The following CDH12 variants were observed in gnomAD, a reference collection of about 807,000 sequenced individuals.
CDH12 encodes cadherin-12.
A neutral mutation model predicts 74.1 loss-of-function variants in CDH12; 41 were observed. That is an observed-to-expected ratio of 0.55 (90% CI 0.43 to 0.72). The LOEUF (loss-of-function observed/expected upper bound fraction) is 0.72, where lower values mean the gene tolerates loss of function less well. Ranked by LOEUF, CDH12 falls within the 30% of genes least tolerant of loss-of-function variation. The probability of loss-of-function intolerance (pLI) is 0.00; values close to 1 mark genes in which losing one functional copy is unlikely to be tolerated. For missense variants in CDH12, 945 were observed against 977.2 expected (o/e 0.97, Z 0.44); for synonymous variants, 399 against 355.0 (o/e 1.12, Z -1.39).
At chr5:21,998,206 C>A (rs1320169895) in intron 5 of CDH12, among the ~76,000 whole-genome samples, 3 of 152,048 alleles carry the variant, frequency 2.0e-5, no homozygotes. Flanking sequence ...ATAAGCTTTA[C>A]CTACAAGCAA....
intron 1 of CDH12, among the ~76,000 whole-genome samples, chr5:22,826,124 A>G (rs1344429138): frequency 2.0e-5 from 3 of 152,136 alleles, no homozygotes; most frequent in Non-Finnish European, 2.9e-5. Flanking sequence ...ATTCTCATGT[A>G]TTGTGGGACA....
chr5:21,971,436 T>C (rs908227050), intron 6 of CDH12, among the ~76,000 whole-genome samples: 3 of 152,148 alleles, frequency 2.0e-5, no homozygotes, highest in Non-Finnish European at 2.9e-5. Context: ...TTAGATCACA[T>C]GGCACCTGAC....
At chr5:22,438,594 A>G (rs541368055) in intron 2 of CDH12, among the ~76,000 whole-genome samples, 2 of 152,184 alleles carry the variant, frequency 1.3e-5, no homozygotes, top group Admixed American at 1.3e-4. Flanking sequence ...AATTAAATAT[A>G]ATAACATTTT....
chr5:21,867,090 C>T (rs1751366693), intron 6 of CDH12, among the ~76,000 whole-genome samples: 1 of 152,164 alleles, frequency 6.6e-6, no homozygotes, highest in African/African-American at 2.4e-5. Flanking sequence ...CGCGGTGGCT[C>T]TCACCTGTAA....
intron 1 of CDH12, among the ~76,000 whole-genome samples, chr5:22,792,531 T>A (rs1057464844): frequency 3.3e-5 from 5 of 152,226 alleles, no homozygotes; most frequent in Non-Finnish European, 7.3e-5. Context: ...ATTATTAAGA[T>A]GTGTCATGCC....
At chr5:22,713,966 T>C (rs1399717010) in intron 1 of CDH12, among the ~76,000 whole-genome samples, 1 of 152,220 alleles carries the variant, frequency 6.6e-6, no homozygotes, top group African/African-American at 2.4e-5. Flanking sequence ...ATTAATTCAA[T>C]GTTAAGGCCA....
chr5:22,484,744 T>A (rs531939125), intron 2 of CDH12, among the ~76,000 whole-genome samples: 20 of 152,266 alleles, frequency 1.3e-4, no homozygotes, highest in African/African-American at 4.8e-4. Context: ...CACATGTGAG[T>A]CTCACAGAAA....
At chr5:22,320,498 T>C (rs764916981) in intron 3 of CDH12, among the ~76,000 whole-genome samples, 22 of 152,278 alleles carry the variant, frequency 1.4e-4, no homozygotes, top group African/African-American at 5.1e-4. Context: ...CAGATTTTTA[T>C]TTTTCAAGTA....
At chr5:21,872,248 C>A (rs765143805) in intron 6 of CDH12, among the ~76,000 whole-genome samples, 5 of 152,200 alleles carry the variant, frequency 3.3e-5, no homozygotes, top group Non-Finnish European at 7.3e-5. Flanking sequence ...CCCAGAAGCA[C>A]TCTAACGTTA....
chr5:22,801,394 A>T (rs1384394292), intron 1 of CDH12, among the ~76,000 whole-genome samples: 1 of 151,988 alleles, frequency 6.6e-6, no homozygotes, highest in Non-Finnish European at 1.5e-5. Context: ...CTTGAAAGAG[A>T]TTTTGTATGA....
chr5:22,272,019 G>A lies in CDH12; in HGVS notation c.-332-59376C>T, dbSNP rs113829303. Among the ~76,000 whole-genome samples the A allele has an allele frequency of 7.3e-3, 1,116 of 152,242 alleles. 15 individuals carry two copies. The highest frequency in any genetic ancestry group is 0.026 in the African/African-American group (1,072 of 41,546). ...CTCTAAGAGAGACAGCCTGTCCTTC[G>A]AACTTTGAAGCCAAGCATTGACTTC... is the stretch of plus-strand genomic sequence containing the variant. On this transcript the variant is annotated intron_variant, in intron 3 of 14. Transcript: ENST00000382254.
At chr5:22,839,254 A>G (rs867634436) in intron 1 of CDH12, among the ~76,000 whole-genome samples, 23 of 152,098 alleles carry the variant, frequency 1.5e-4, no homozygotes, top group South Asian at 8.3e-4. Flanking sequence ...AAATGGATAC[A>G]ATTCTTATAC....
At chr5:22,391,997 G>A (rs1052219635) in intron 3 of CDH12, among the ~76,000 whole-genome samples, 3 of 152,140 alleles carry the variant, frequency 2.0e-5, no homozygotes, top group African/African-American at 7.2e-5. Flanking sequence ...GGTAAGGGAT[G>A]GAAAAGCTTG....
At chr5:22,138,278 A>G (rs1209114695) in intron 4 of CDH12, among the ~76,000 whole-genome samples, 1 of 151,968 alleles carries the variant, frequency 6.6e-6, no homozygotes, top group Non-Finnish European at 1.5e-5. Flanking sequence ...AAAGTTGTTC[A>G]TCAATAAAAT....
chr5:22,198,776 T>A (rs1329962299), intron 4 of CDH12, among the ~76,000 whole-genome samples: 1 of 152,122 alleles, frequency 6.6e-6, no homozygotes, highest in Admixed American at 6.6e-5. Context: ...CCTTTCGGAA[T>A]GCAAAACCTA....
chr5:22,201,635 T>C (rs529611743), intron 4 of CDH12, among the ~76,000 whole-genome samples: 16 of 152,240 alleles, frequency 1.1e-4, no homozygotes, highest in Non-Finnish European at 1.9e-4. Flanking sequence ...ATATATTGCA[T>C]ATAACAAAAT....
chr5:22,321,872 T>C (rs1738899496), intron 3 of CDH12, among the ~76,000 whole-genome samples: 1 of 152,180 alleles, frequency 6.6e-6, no homozygotes. Flanking sequence ...AAATTACTTA[T>C]TATTATGATT....
intron 3 of CDH12, among the ~76,000 whole-genome samples, chr5:22,279,668 C>T (rs749863261): frequency 6.6e-6 from 1 of 151,896 alleles, no homozygotes; most frequent in Admixed American, 6.6e-5. Context: ...AGAATGATGG[C>T]TTCCAGCTTC....
At chr5:21,895,106 C>T (rs145056169) in intron 6 of CDH12, among the ~76,000 whole-genome samples, 31 of 151,690 alleles carry the variant, frequency 2.0e-4, no homozygotes, top group African/African-American at 7.5e-4. Flanking sequence ...GGCTGTTCAG[C>T]TGCGCTCACT....
Sources: allele counts gnomAD v4.1 joint callset (sites outside exome capture counted in the v4.1 genomes callset), GRCh38; gene constraint gnomAD v4.1.1; transcripts MANE v1.5; gene names NCBI Gene and HGNC (gene_info 2026-07-23, HGNC 2026-07-21).